MBD6: variants seen among roughly 807,000 people sequenced by gnomAD.
The protein encoded by MBD6 is methyl-CpG binding domain protein 6.
MBD6 carries 22 observed loss-of-function variants against 66.8 expected under a neutral mutation model. That is an observed-to-expected ratio of 0.33 (90% CI 0.24 to 0.47). The LOEUF (loss-of-function observed/expected upper bound fraction) is 0.47, where lower values mean the gene tolerates loss of function less well. Ranked by LOEUF, MBD6 falls within the 20% of genes least tolerant of loss-of-function variation. MBD6 has a pLI of 1.00. For missense variants in MBD6, 1,322 were observed against 1,286.9 expected, an observed-to-expected ratio of 1.03 and a Z score of -0.42; for synonymous variants, 540 against 534.6, an observed-to-expected ratio of 1.01 and a Z score of -0.14.
Position 57,529,544 on chromosome 12 carries a change from T to A in MBD6, c.*310T>A. ...CCCCCTTCCCCAGGTCTTTTATTTG[T>A]TTAAGTTATTTTTGCACAAATGACT... On this transcript the variant is annotated 3_prime_UTR_variant, in exon 13 of 13. Transcript: ENST00000355673. 1 of 277,456 alleles carries A rather than the reference T, an allele frequency of 3.6e-6. No homozygotes were observed. The highest frequency in any genetic ancestry group is 6.9e-6 in the Non-Finnish European group (1 of 144,740). The allele number at this position is 277,456 out of a possible 1,614,324, so 17.2% of individuals were successfully genotyped here.
upstream of MBD6, chr12:57,522,103 G>C (rs1878386289): frequency 6.6e-6 from 1 of 152,128 alleles, no homozygotes; most frequent in South Asian, 2.1e-4. Context: ...ATACCCTCAT[G>C]GGGGCAGCCA....
intron 2 of MBD6, 66 bp downstream of exon 2, chr12:57,524,158 C>A: frequency 1.9e-6 from 1 of 524,448 alleles, no homozygotes; most frequent in Non-Finnish European, 3.3e-6. Flanking sequence ...CCCCTTGCTC[C>A]TCTGGGGCTT....
In MBD6 at chr12:57,526,197, C is replaced by A. The variant is rs1878935928; in HGVS notation, c.1229C>A (p.Pro410His). Residue 410 changes from proline to histidine, a missense_variant, in exon 6 of 13, where the codon CCT (proline) becomes CAT (histidine). Pro to His is a moderately conservative substitution (Grantham distance 77). Coordinates refer to ENST00000355673, the MANE Select transcript of MBD6 (RefSeq NM_052897.4). Reference protein sequence around the residue: ...SLPEPSQPILPSVLSLLGLPT... With the variant: ...SLPEPSQPILHSVLSLLGLPT... ...CCGGAGCCATCCCAACCAATTCTCCCTTCTGTGCTGTCCCTGCTGGGACTC... is the reference window on the plus strand; with the variant it reads ...CCGGAGCCATCCCAACCAATTCTCCATTCTGTGCTGTCCCTGCTGGGACTC... The A allele has an allele frequency of 6.2e-7, 1 of 1,614,186 alleles. No homozygotes were observed. The highest frequency in any genetic ancestry group is 8.5e-7 in the Non-Finnish European group (1 of 1,180,030).
At position 57,526,832 on chromosome 12, in the gene MBD6, G is replaced by T. The variant is rs755950684; in HGVS notation, c.1687G>T (p.Val563Leu). 3.7e-6 allele frequency: 6 copies of T among 1,613,426 alleles called. No homozygotes were observed. In the East Asian group the frequency reaches 8.9e-5, roughly 24 times the overall value. The stretch of plus-strand genomic sequence containing the variant: ...ATTGCTCAACCACAGTTTATTTGGT[G>T]TGCTGACTGGGGGAGGAGGACAACC... Reference protein sequence around the residue: ...SPLLNHSLFGVLTGGGGQPPP... With the variant: ...SPLLNHSLFGLLTGGGGQPPP... Residue 563 changes from valine to leucine, a missense_variant, in exon 7 of 13, where the codon GTG (valine) becomes TTG (leucine). Val to Leu is a conservative substitution (Grantham distance 32). Transcript: ENST00000355673.
intron 7 of MBD6, 54 bp downstream of exon 7, chr12:57,527,281 G>A (rs1283416005): frequency 8.1e-7 from 1 of 1,234,456 alleles, no homozygotes; most frequent in African/African-American, 1.5e-5. Flanking sequence ...TAAGAGATGG[G>A]AGCTGGGAAT....
intron 2 of MBD6, 26 bp downstream of exon 2, chr12:57,524,118 C>T (rs1021380742): frequency 1.8e-5 from 8 of 442,588 alleles, no homozygotes; most frequent in African/African-American, 1.6e-4. Flanking sequence ...CGGCAGAGGA[C>T]TCCTCAGTCT....
chr12:57,526,878 C>G lies in MBD6; in HGVS notation c.1733C>G (p.Pro578Arg). The change falls in exon 7 of 13, where the codon CCC becomes CGC. Residue 578 changes from proline to arginine, a missense_variant. Physicochemically the swap from Pro to Arg is moderately radical, Grantham distance 103. Coordinates refer to ENST00000355673, the MANE Select transcript of MBD6 (RefSeq NM_052897.4). ...CAACCTCCCCCTGAGCCCCTGCTACCCCCACCAGGAGGACCTGGTCCTCCC... is the reference window on the plus strand; with the variant it reads ...CAACCTCCCCCTGAGCCCCTGCTACGCCCACCAGGAGGACCTGGTCCTCCC... ...GGQPPPEPLL[P>R]PPGGPGPPLA... is the part of the protein sequence containing the mutation. 1.2e-6 allele frequency: 2 copies of G among 1,613,512 alleles called. No homozygotes were observed. Among genetic ancestry groups the G allele is most frequent in the Non-Finnish European group, 1.7e-6 (2 of 1,179,842 alleles).
At chr12:57,523,580 G>T (rs181952475) in intron 1 of MBD6, among the ~76,000 whole-genome samples, 9 of 152,294 alleles carry the variant, frequency 5.9e-5, no homozygotes, top group African/African-American at 1.9e-4. Context: ...GCAGGCATGG[G>T]GGGAGTTCTG....
rs1565669682 is a variant in MBD6 at position 57,528,251 on chromosome 12, C to T, written c.2511C>T (p.Pro837=). ...ARPPLSALAP[P]HGSPDPPVPE... The stretch of plus-strand genomic sequence containing the variant: ...CTCCCCTCAGTGCCTTAGCCCCACC[C>T]CATGGTTCTCCCGACCCCCCAGTCC... The change falls in exon 10 of 13, where the codon CCC becomes CCT. Residue 837 remains proline (P), a synonymous_variant. Transcript: ENST00000355673. 1.2e-6 allele frequency: 2 copies of T among 1,606,540 alleles called. No homozygotes were observed. Among genetic ancestry groups the T allele is most frequent in the Non-Finnish European group, 1.7e-6 (2 of 1,176,456 alleles).
In MBD6 at chr12:57,525,500, C is replaced by T; in HGVS notation, c.532C>T (p.Leu178=). 6.4e-7 allele frequency: 1 copy of T among 1,552,454 alleles called. No individual in the cohort carries two copies. Among genetic ancestry groups the T allele is most frequent in the Non-Finnish European group, 8.7e-7 (1 of 1,152,128 alleles). The change falls in exon 6 of 13, where the codon CTA becomes TTA. Residue 178 remains leucine (L), a synonymous_variant. Coordinates refer to ENST00000355673, the MANE Select transcript of MBD6 (RefSeq NM_052897.4). ...CTCAGTTTCCCAGGCCTTTCCCACT[C>T]TAGCAGGCCCTGGGGGGCTTTTCCC... is the stretch of plus-strand genomic sequence containing the variant. ...PPSVSQAFPT[L]AGPGGLFPPR...
chr12:57,530,856 G>C (rs1879623207), downstream of MBD6: 1 of 1,211,378 alleles, frequency 8.3e-7, no homozygotes, highest in Non-Finnish European at 1.2e-6. Flanking sequence ...TTCTCTGAGA[G>C]AGAAGACAAG....
In MBD6 at chr12:57,526,660, G is replaced by T. The variant is rs763048923; in HGVS notation, c.1515G>T (p.Pro505=). The T allele has an allele frequency of 6.6e-7, 1 of 1,520,696 alleles. No homozygotes were observed. The highest frequency in any genetic ancestry group is 1.4e-5 in the African/African-American group (1 of 71,654). 94.2% of individuals were successfully genotyped at this position (1,520,696 alleles called of 1,614,324 possible). A position where few individuals can be genotyped will look rare whatever the true frequency, so the allele number is the denominator to read the frequency against. The change falls in exon 7 of 13, where the codon CCG becomes CCT. Residue 505 remains proline (P), a synonymous_variant. Coordinates refer to ENST00000355673, the MANE Select transcript of MBD6 (RefSeq NM_052897.4). The stretch of plus-strand genomic sequence containing the variant: ...AAGGACTGGGGATGGGGGCAGGCCC[G>T]GCCTGCCCTCTGCCTCCCCTGGCTG... ...PSEGLGMGAG[P]ACPLPPLAGG...
Position 57,525,134 on chromosome 12 carries a change from T to G in MBD6, c.379+19T>G, listed in dbSNP as rs1466143473. On this transcript the variant is annotated intron_variant, in intron 5 of 12. Coordinates refer to ENST00000355673, the MANE Select transcript of MBD6 (RefSeq NM_052897.4). ...TCTCCTGGTGAGTCTTCTGCCACTT[T>G]ACAGAAGACCGAGGAAAACCTAAGG... The G allele has an allele frequency of 3.8e-6, 6 of 1,597,762 alleles. No homozygotes were observed. In the South Asian group the frequency reaches 6.7e-5, roughly 18 times the overall value.
intron 5 of MBD6, 28 bp downstream of exon 5, chr12:57,525,143 C>T (rs758316718): frequency 8.8e-6 from 14 of 1,592,796 alleles, no homozygotes; most frequent in Non-Finnish European, 1.2e-5. Context: ...TTACAGAAGA[C>T]CGAGGAAAAC....
rs772656480 is a variant in MBD6, at chr12:57,526,811, C to T, written c.1666C>T (p.Leu556Phe). Residue 556 changes from leucine (L) to phenylalanine (F), a missense_variant, in exon 7 of 13, where the codon CTC (leucine) becomes TTC (phenylalanine). By Grantham distance (22) the Leu-to-Phe change is conservative (BLOSUM62 0). Coordinates refer to ENST00000355673, the MANE Select transcript of MBD6 (RefSeq NM_052897.4). ...SLGQPPPSPL[L>F]NHSLFGVLTG... The stretch of plus-strand genomic sequence containing the variant: ...GGGGCAGCCTCCACCTTCTCCATTG[C>T]TCAACCACAGTTTATTTGGTGTGCT... 82 of 1,612,280 alleles carry T rather than the reference C, an allele frequency of 5.1e-5. No homozygotes were observed. In the South Asian group the frequency reaches 7.6e-4, roughly 15 times the overall value.
At chr12:57,521,135 T>C (rs1459754556), upstream of MBD6, 1 of 152,310 alleles carries the variant, frequency 6.6e-6, no homozygotes, top group African/African-American at 2.4e-5. Flanking sequence ...TTGGTATCCA[T>C]CCACTGGGAT....
chr12:57,530,764 G>A, downstream of MBD6: 1 of 1,613,774 alleles, frequency 6.2e-7, no homozygotes, highest in Non-Finnish European at 8.5e-7. Flanking sequence ...TTTCACGCAT[G>A]GTTGTCTGCA....
At position 57,527,049 on chromosome 12, in the gene MBD6, C is replaced by G. The variant is rs759107955; in HGVS notation, c.1904C>G (p.Ala635Gly). The G allele has an allele frequency of 6.2e-7, 1 of 1,609,938 alleles. No homozygotes were observed. The highest frequency in any genetic ancestry group is 1.3e-5 in the African/African-American group (1 of 75,008). Residue 635 changes from alanine (A) to glycine (G), a missense_variant, in exon 7 of 13, where the codon GCT (alanine) becomes GGT (glycine). Ala to Gly is a moderately conservative substitution (Grantham distance 60, BLOSUM62 0). Transcript: ENST00000355673. ...CCCCTGTTGGCTCTGGGCCCCACAG[C>G]TGGGGATGGGGAGGGATCTGCAGAG... ...FLPLLALGPTAGDGEGSAEGA... is the reference protein window; with the variant it reads ...FLPLLALGPTGGDGEGSAEGA...
In MBD6 at chr12:57,527,148, C is replaced by T; in HGVS notation, c.2003C>T (p.Ser668Leu). The T allele has an allele frequency of 1.3e-6, 2 of 1,500,332 alleles. No individual in the cohort carries two copies. 92.9% of individuals were successfully genotyped at this position (1,500,332 alleles called of 1,614,324 possible). Residue 668 changes from serine to leucine, a missense_variant, in exon 7 of 13, where the codon TCA becomes TTA. By Grantham distance (145) the Ser-to-Leu change is moderately radical (BLOSUM62 -2). Transcript: ENST00000355673. ...TCCCCCCTACTTTTCCCCCCACTTT[C>T]AGCCCCCCCTACCCTCATAGCTTTA... ...DLSPLLFPPL[S>L]APPTLIALNS...
Sources: gnomAD v4.1 joint callset for allele counts (sites outside exome capture counted in the v4.1 genomes callset) on GRCh38, gnomAD v4.1.1 for gene constraint, MANE v1.5 for transcripts, NCBI Gene and HGNC (gene_info 2026-07-23, HGNC 2026-07-21) for gene names.